CDH23: variants seen among roughly 807,000 people sequenced by gnomAD.
CDH23 encodes cadherin related 23, also known as cadherin-23.
In CDH23, 189 loss-of-function variants were observed where a neutral mutation model predicts 317.1. The ratio of observed to expected loss-of-function variants is 0.60; its 90% CI spans 0.53 to 0.67. The LOEUF (loss-of-function observed/expected upper bound fraction) is 0.67, where lower values mean the gene tolerates loss of function less well. Ranked by LOEUF, CDH23 falls within the 30% of genes least tolerant of loss-of-function variation. The probability of loss-of-function intolerance (pLI) is 0.00; values close to 1 mark genes in which losing one functional copy is unlikely to be tolerated. For missense variants in CDH23, 4,401 were observed against 4,592.4 expected (o/e 0.96, Z 1.20); for synonymous variants, 1,839 against 1,876.8 (o/e 0.98, Z 0.52).
intron 3 of CDH23, among the ~76,000 whole-genome samples, chr10:71,477,903 A>G (rs1320365837): frequency 1.3e-5 from 2 of 151,888 alleles, no homozygotes; most frequent in East Asian, 3.9e-4. Flanking sequence ...CTGATGCCAC[A>G]TTTCTCCTAT....
In CDH23 at chr10:71,614,590, A is replaced by G. The variant is rs74145203; in HGVS notation, c.833-914A>G. On this transcript the variant is annotated intron_variant, in intron 9 of 69. Coordinates refer to ENST00000224721, the MANE Select transcript of CDH23 (RefSeq NM_022124.6). ...GGAAGGGAGATCCAATGAACACCCA[A>G]TAATCAACTGGGGAACAGTTAGTTA... Among the ~76,000 whole-genome samples, 983 of 152,354 alleles carry G rather than the reference A, an allele frequency of 6.5e-3. 11 individuals carry two copies. The highest frequency in any genetic ancestry group is 0.023 in the African/African-American group (942 of 41,586).
chr10:71,618,495 G>A (rs1414061629), intron 11 of CDH23, among the ~76,000 whole-genome samples: 1 of 152,134 alleles, frequency 6.6e-6, no homozygotes, highest in African/African-American at 2.4e-5. Flanking sequence ...CAGCTGCCAT[G>A]CTAATAGGAC....
chr10:71,577,197 A>G (rs1184611019), intron 8 of CDH23, among the ~76,000 whole-genome samples: 1 of 152,168 alleles, frequency 6.6e-6, no homozygotes, highest in Non-Finnish European at 1.5e-5. Context: ...TTCATGCCAT[A>G]GGCTGTGCTC....
At chr10:71,546,021 C>T (rs527345155) in intron 6 of CDH23, among the ~76,000 whole-genome samples, 36 of 152,250 alleles carry the variant, frequency 2.4e-4, no homozygotes, top group African/African-American at 7.0e-4. Context: ...TTGTGTAACC[C>T]GGCTGTCCAA....
At chr10:71,573,231 G>C (rs567361546) in intron 8 of CDH23, among the ~76,000 whole-genome samples, 2 of 152,368 alleles carry the variant, frequency 1.3e-5, no homozygotes, top group African/African-American at 2.4e-5. Context: ...CCCAGCTTCA[G>C]CTTCCTTTCA....
At chr10:71,524,091 G>A (rs1389062795) in intron 6 of CDH23, among the ~76,000 whole-genome samples, 2 of 152,198 alleles carry the variant, frequency 1.3e-5, no homozygotes, top group African/African-American at 4.8e-5. Context: ...TGGGCTTTCA[G>A]AGCAGCAGAG....
At chr10:71,433,668 A>G (rs1269103646) in intron 1 of CDH23, among the ~76,000 whole-genome samples, 2 of 151,754 alleles carry the variant, frequency 1.3e-5, no homozygotes, top group African/African-American at 4.8e-5. Context: ...TCCCTCAGCC[A>G]GCTCCACCTG....
intron 11 of CDH23, among the ~76,000 whole-genome samples, chr10:71,620,086 G>T (rs1392430478): frequency 6.6e-6 from 1 of 152,166 alleles, no homozygotes; most frequent in Non-Finnish European, 1.5e-5. Context: ...CCGTGTAGTG[G>T]CTGAGGAGCA....
chr10:71,680,952 C>G (rs907912390), intron 17 of CDH23, among the ~76,000 whole-genome samples: 1 of 150,364 alleles, frequency 6.7e-6, no homozygotes, highest in African/African-American at 2.4e-5. Flanking sequence ...CCTCAGCCTC[C>G]CGAGTAGCTG....
At chr10:71,661,270 GCC>G in intron 14 of CDH23, among the ~76,000 whole-genome samples, 1 of 152,052 alleles carries the variant, frequency 6.6e-6, no homozygotes, top group African/African-American at 2.4e-5. Context: ...CGCTCCCTCT[GCC>G]GGCCCAGCCT....
At chr10:71,585,921 A>G (rs1859027620) in intron 9 of CDH23, among the ~76,000 whole-genome samples, 1 of 152,134 alleles carries the variant, frequency 6.6e-6, no homozygotes, top group African/African-American at 2.4e-5. Context: ...GACTTTTAAG[A>G]GGTTTCACTG....
At position 71,731,995 on chromosome 10, in the gene CDH23, G is replaced by A; in HGVS notation, c.3724G>A (p.Gly1242Ser). The change falls in exon 32 of 70, where the codon GGC becomes AGC. Residue 1242 changes from glycine to serine, a missense_variant. Around this residue, in one of 3 missense-constraint regions of CDH23, gnomAD observed 3,068 missense variants for 3,203.3 expected, o/e 0.96. Transcript: ENST00000224721. ...QATDRDSGDG[G>S]LVNYRILSGA... ...TCTGTGTCCTCCTACAGGGGATGGT[G>A]GCCTGGTGAACTACCGCATCCTGTC... 1 of 1,613,500 alleles carries A rather than the reference G, an allele frequency of 6.2e-7. No homozygotes were observed. Among genetic ancestry groups the A allele is most frequent in the Non-Finnish European group, 8.5e-7 (1 of 1,179,564 alleles).
chr10:71,543,323 A>G (rs975054868), intron 6 of CDH23, among the ~76,000 whole-genome samples: 13 of 152,334 alleles, frequency 8.5e-5, no homozygotes, highest in African/African-American at 2.9e-4. Flanking sequence ...TCCAGAGAGC[A>G]CTGGAAGAAA....
chr10:71,695,364 GC>G lies in CDH23; in HGVS notation c.2290-51del, dbSNP rs569869591. 6.0e-5 allele frequency: 78 copies of G among 1,293,438 alleles called. No homozygotes were observed. The African/African-American group carries it at 1.1e-3, about 18-fold the overall frequency. 80.1% of individuals were successfully genotyped at this position (1,293,438 alleles called of 1,614,324 possible). A position where few individuals can be genotyped will look rare whatever the true frequency, so the allele number is the denominator to read the frequency against. ...GAGCACTTTTCCCCTGGCAGGCCCT[GC>G]CCTGGCCCATCTCAGCTGGGTGTGT... is the stretch of plus-strand genomic sequence containing the variant. On this transcript the variant is annotated intron_variant, in intron 21 of 69. Coordinates refer to ENST00000224721, the MANE Select transcript of CDH23 (RefSeq NM_022124.6).
intron 38 of CDH23, among the ~76,000 whole-genome samples, chr10:71,770,643 G>T (rs1184227765): frequency 6.6e-6 from 1 of 152,162 alleles, no homozygotes. Context: ...CTGCCAACGG[G>T]TTCTCCTTGA....
chr10:71,581,626 A>G (rs1377340635), intron 9 of CDH23, among the ~76,000 whole-genome samples: 6 of 152,210 alleles, frequency 3.9e-5, no homozygotes, highest in Admixed American at 2.6e-4. Flanking sequence ...CATTGCCATC[A>G]ATTTGTTCTC....
intron 14 of CDH23, among the ~76,000 whole-genome samples, chr10:71,655,678 G>A (rs190575333): frequency 4.1e-4 from 62 of 152,154 alleles, no homozygotes; most frequent in African/African-American, 1.3e-3. Flanking sequence ...CCCACCCATG[G>A]TGTATGCAAC....
At position 71,755,872 on chromosome 10, in the gene CDH23, G is replaced by C. The variant is rs148428997; in HGVS notation, c.4845+13951G>C. On this transcript the variant is annotated intron_variant, in intron 38 of 69. Coordinates refer to ENST00000224721, the MANE Select transcript of CDH23 (RefSeq NM_022124.6). ...GTCAAAAGAAGCCTAAGTGATGAAA[G>C]TTTTGAAAATAGACAGTGGTGACGG... is the stretch of plus-strand genomic sequence containing the variant. 5.8e-3 allele frequency among the ~76,000 whole-genome samples: 877 copies of C among 152,316 alleles called. 11 individuals carry two copies. The highest frequency in any genetic ancestry group is 0.024 in the Middle Eastern group (7 of 294).
At chr10:71,805,701 G>A (rs1841692000) in intron 55 of CDH23, 105 bp from the exon 56 acceptor site, 2 of 1,193,776 alleles carry the variant, frequency 1.7e-6, no homozygotes, top group Non-Finnish European at 2.3e-6. Flanking sequence ...GTAAGCTGTT[G>A]AGGACATTCT....
Sources: gnomAD v4.1 joint callset for allele counts (sites outside exome capture counted in the v4.1 genomes callset) on GRCh38, gnomAD v4.1.1 for gene constraint, gnomAD v4.1.1 regional missense constraint, MANE v1.5 for transcripts, NCBI Gene and HGNC (gene_info 2026-07-23, HGNC 2026-07-21) for gene names.